Variants in CCDC93 observed in about 807,000 individuals in gnomAD.
CCDC93 encodes the protein CCC complex scaffolding subunit CCDC93.
Under a neutral mutation model 108.2 loss-of-function variants are expected in CCDC93, and 61 were observed. That is an observed-to-expected ratio of 0.56 (90% CI 0.46 to 0.70). The LOEUF (loss-of-function observed/expected upper bound fraction) is 0.70. Ranked by LOEUF, CCDC93 falls within the 30% of genes least tolerant of loss-of-function variation. The pLI is 0.00. For synonymous variants in CCDC93, 276 were observed against 260.4 expected (o/e 1.06, Z -0.58); for missense variants, 685 against 764.2 (o/e 0.90, Z 1.22).
chr2:117,937,723 C>A (rs183765442), intron 20 of CCDC93, among the ~76,000 whole-genome samples: 4 of 152,270 alleles, frequency 2.6e-5, no homozygotes. Context: ...TTTCCTTTGC[C>A]AGGTAGGAGG....
At chr2:118,006,858 T>G in intron 2 of CCDC93, 42 bp from the exon 3 acceptor site, 1 of 1,261,414 alleles carries the variant, frequency 7.9e-7, no homozygotes, top group East Asian at 2.3e-5. Flanking sequence ...CTTTTTAGTT[T>G]GGGGAGAATG....
intron 12 of CCDC93, among the ~76,000 whole-genome samples, chr2:117,953,642 T>C (rs1224819371): frequency 6.6e-6 from 1 of 150,534 alleles, no homozygotes; most frequent in Non-Finnish European, 1.5e-5. Context: ...AGTGATTAAG[T>C]CATGAGGGCT....
intron 4 of CCDC93, 105 bp from the exon 5 acceptor site, chr2:117,996,467 G>T: frequency 1.4e-6 from 1 of 736,544 alleles, no homozygotes; most frequent in East Asian, 2.6e-5. Context: ...CAGCATAGTT[G>T]AACTGACTAG....
Position 117,975,173 on chromosome 2 carries a change from A to T in CCDC93, c.750+15T>A. The T allele has an allele frequency of 6.2e-7, 1 of 1,607,784 alleles. No individual in the cohort carries two copies. The highest frequency in any genetic ancestry group is 1.1e-5 in the South Asian group (1 of 90,948). On this transcript the variant is annotated intron_variant, in intron 9 of 23. Coordinates refer to ENST00000376300, the MANE Select transcript of CCDC93 (RefSeq NM_019044.5). Reference sequence around the variant, plus strand: ...CTTACACAGAAACCTCAGAGGGCCTACATGGACCACACACCTCTTCAGCTG... The same window carrying T: ...CTTACACAGAAACCTCAGAGGGCCTTCATGGACCACACACCTCTTCAGCTG...
At chr2:117,944,179 TCC>T in intron 17 of CCDC93, 93 bp from the exon 18 acceptor site, 1 of 872,790 alleles carries the variant, frequency 1.1e-6, no homozygotes, top group South Asian at 1.9e-5. Flanking sequence ...TTATCATATC[TCC>T]CCCATCCTAA....
At chr2:117,963,595 T>C (rs755753657) in intron 11 of CCDC93, among the ~76,000 whole-genome samples, 2 of 152,184 alleles carry the variant, frequency 1.3e-5, no homozygotes, top group African/African-American at 2.4e-5. Flanking sequence ...CAAAAACCCA[T>C]AGTTATGTAA....
In CCDC93 at chr2:117,931,025, C is replaced by T; in HGVS notation, c.1842+12G>A. The T allele has an allele frequency of 6.5e-7, 1 of 1,548,440 alleles. No individual in the cohort carries two copies. The highest frequency in any genetic ancestry group is 8.9e-7 in the Non-Finnish European group (1 of 1,124,334). On this transcript the variant is annotated intron_variant, in intron 23 of 23. Coordinates refer to ENST00000376300, the MANE Select transcript of CCDC93 (RefSeq NM_019044.5). The stretch of plus-strand genomic sequence containing the variant: ...ACGTTAGCCTTAATGTGCTACCCAG[C>T]CTTCCTCTTACCTCCTTGAACTCTT...
intron 18 of CCDC93, among the ~76,000 whole-genome samples, chr2:117,943,165 C>T (rs769317976): frequency 5.7e-4 from 86 of 152,160 alleles, no homozygotes; most frequent in Non-Finnish European, 9.8e-4. Flanking sequence ...CTGAAGCTGC[C>T]CTTAGAAAGC....
Position 117,922,343 on chromosome 2 carries a change from T to C in CCDC93, c.1843-1947A>G, listed in dbSNP as rs761898372. Among the ~76,000 whole-genome samples, 9 of 152,178 alleles carry C rather than the reference T, an allele frequency of 5.9e-5. 1 individual carries two copies. In the South Asian group the frequency reaches 1.2e-3, roughly 21 times the overall value. On this transcript the variant is annotated intron_variant, in intron 23 of 23. Coordinates refer to ENST00000376300, the MANE Select transcript of CCDC93 (RefSeq NM_019044.5). ...ATACAAAAGAGGCGCTTTGGGTGTT[T>C]GTTTCTAGAAGAAAAGGGAAAATGT...
At position 118,012,130 on chromosome 2, in the gene CCDC93, G is replaced by A. The variant is rs899285742; in HGVS notation, c.42+1824C>T. 3.9e-5 allele frequency among the ~76,000 whole-genome samples: 6 copies of A among 152,156 alleles called. No individual in the cohort carries two copies. The South Asian group carries it at 1.2e-3, about 32-fold the overall frequency. On this transcript the variant is annotated intron_variant, in intron 1 of 23. Coordinates refer to ENST00000376300, the MANE Select transcript of CCDC93 (RefSeq NM_019044.5). ...AAAGGGTTAAAAAGAATGAATTCGG[G>A]CAGGGCAGTGGCTCACATCTGCAAT...
intron 7 of CCDC93, among the ~76,000 whole-genome samples, chr2:117,979,666 C>G (rs1329417713): frequency 6.6e-6 from 1 of 152,214 alleles, no homozygotes; most frequent in Non-Finnish European, 1.5e-5. Flanking sequence ...ACCAAAAAGT[C>G]ACTGCTGGGC....
intron 3 of CCDC93, among the ~76,000 whole-genome samples, chr2:118,003,583 A>G (rs1676776152): frequency 6.6e-6 from 1 of 152,162 alleles, no homozygotes; most frequent in South Asian, 2.1e-4. Flanking sequence ...ACCATACATA[A>G]TAGCTTAAAA....
At chr2:117,926,426 A>G (rs1465182251) in intron 23 of CCDC93, among the ~76,000 whole-genome samples, 2 of 152,250 alleles carry the variant, frequency 1.3e-5, no homozygotes, top group Non-Finnish European at 2.9e-5. Flanking sequence ...ATAAAAAATA[A>G]TAAAGGGGAT....
At chr2:118,001,101 A>T (rs1680835993) in intron 3 of CCDC93, 169 bp from the exon 4 acceptor site, 2 of 565,792 alleles carry the variant, frequency 3.5e-6, no homozygotes, top group Non-Finnish European at 6.3e-6. Context: ...AATAAGCACA[A>T]TTTGGTGGTG....
At chr2:117,924,885 G>A (rs1370445567) in intron 23 of CCDC93, among the ~76,000 whole-genome samples, 1 of 152,188 alleles carries the variant, frequency 6.6e-6, no homozygotes, top group Non-Finnish European at 1.5e-5. Context: ...AGAAAGCTCA[G>A]GTTACCCACA....
At chr2:118,001,587 C>T (rs1676688658) in intron 3 of CCDC93, among the ~76,000 whole-genome samples, 1 of 90,778 alleles carries the variant, frequency 1.1e-5, no homozygotes, top group South Asian at 3.5e-4. Flanking sequence ...GGGACACCGA[C>T]CTTTCTCTAA....
intron 23 of CCDC93, among the ~76,000 whole-genome samples, chr2:117,922,279 T>C (rs964058512): frequency 6.6e-6 from 1 of 152,174 alleles, no homozygotes; most frequent in African/African-American, 2.4e-5. Context: ...ACCTAGTATG[T>C]GAGCCTACAG....
Position 117,918,983 on chromosome 2 carries a change from C to G in CCDC93, c.*1360G>C, listed in dbSNP as rs1396661491. On this transcript the variant is annotated 3_prime_UTR_variant, in exon 24 of 24. Transcript: ENST00000376300. ...ACACATTTCTGTGGCTGCTGAATGC[C>G]CCACTTGCTTGACATGTTTAAGCTT... The G allele has an allele frequency of 6.6e-6, 1 of 152,190 alleles. No homozygotes were observed. The highest frequency in any genetic ancestry group is 1.9e-4 in the East Asian group (1 of 5,198). 9.4% of individuals were successfully genotyped at this position (152,190 alleles called of 1,614,324 possible).
At chr2:117,921,792 T>A (rs1358914938) in intron 23 of CCDC93, 1 of 151,852 alleles carries the variant, frequency 6.6e-6, no homozygotes, top group Admixed American at 6.6e-5. Context: ...TTCAGATGTG[T>A]CCTTCACTCA....
Sources: allele counts gnomAD v4.1 joint callset (sites outside exome capture counted in the v4.1 genomes callset), GRCh38; gene constraint gnomAD v4.1.1; transcripts MANE v1.5; gene names NCBI Gene and HGNC (gene_info 2026-07-23, HGNC 2026-07-21).